The following STXBP5L variants were observed in gnomAD, a reference collection of about 807,000 sequenced individuals.
STXBP5L encodes the protein syntaxin binding protein 5L, also known as syntaxin-binding protein 5-like.
Under a neutral mutation model 144.5 loss-of-function variants are expected in STXBP5L, and 65 were observed. The observed-to-expected ratio is 0.45, with a 90% CI of 0.37 to 0.55. STXBP5L has a LOEUF of 0.55. Among genes scored for constraint, STXBP5L ranks in the 20% least tolerant of loss-of-function variants. The pLI is 0.00. For synonymous variants in STXBP5L, 505 were observed against 469.6 expected (o/e 1.08, Z -0.97); for missense variants, 1,298 against 1,405.5 (o/e 0.92, Z 1.22).
intron 5 of STXBP5L, among the ~76,000 whole-genome samples, chr3:121,089,249 T>C (rs1471569455): frequency 6.6e-6 from 1 of 151,786 alleles, no homozygotes; most frequent in African/African-American, 2.4e-5. Context: ...GATATTTTTC[T>C]GTTTAGAAAA....
intron 3 of STXBP5L, among the ~76,000 whole-genome samples, chr3:120,965,815 G>A (rs554455285): frequency 6.6e-6 from 1 of 152,254 alleles, no homozygotes; most frequent in Admixed American, 6.5e-5. Context: ...GAAATTGAGT[G>A]TTGGCTTGTC....
chr3:121,340,011 T>C (rs543573382), intron 20 of STXBP5L, among the ~76,000 whole-genome samples: 3 of 152,164 alleles, frequency 2.0e-5, no homozygotes, highest in African/African-American at 7.2e-5. Flanking sequence ...CTGAAATTCC[T>C]ATCAAAATAC....
intron 5 of STXBP5L, among the ~76,000 whole-genome samples, chr3:121,107,822 T>C (rs2043787596): frequency 1.3e-5 from 2 of 152,204 alleles, no homozygotes; most frequent in South Asian, 4.1e-4. Flanking sequence ...ATTTTCACAA[T>C]ATTGATGCTT....
At chr3:121,064,464 A>G (rs2041445832) in intron 5 of STXBP5L, among the ~76,000 whole-genome samples, 1 of 152,224 alleles carries the variant, frequency 6.6e-6, no homozygotes, top group Non-Finnish European at 1.5e-5. Context: ...AAATGGCTTG[A>G]AAAATTCCAC....
At chr3:121,328,730 C>T (rs994088264) in intron 20 of STXBP5L, among the ~76,000 whole-genome samples, 2 of 151,694 alleles carry the variant, frequency 1.3e-5, no homozygotes, top group East Asian at 3.9e-4. Context: ...AGCATGGGTG[C>T]TAGAGCAAGA....
intron 22 of STXBP5L, among the ~76,000 whole-genome samples, chr3:121,384,129 C>T (rs1202745854): frequency 1.3e-5 from 2 of 152,064 alleles, no homozygotes; most frequent in South Asian, 2.1e-4. Flanking sequence ...TTACCAAGCC[C>T]ATACCACCGA....
intron 18 of STXBP5L, among the ~76,000 whole-genome samples, chr3:121,267,227 A>G (rs2050594825): frequency 1.3e-5 from 2 of 152,202 alleles, no homozygotes; most frequent in African/African-American, 4.8e-5. Flanking sequence ...AGACCAATGG[A>G]ACAGAACCAA....
chr3:121,298,145 A>G (rs965722932), intron 19 of STXBP5L, among the ~76,000 whole-genome samples: 3 of 151,972 alleles, frequency 2.0e-5, no homozygotes, highest in Admixed American at 1.3e-4. Flanking sequence ...AACACTTGTT[A>G]TTTTCTGTTT....
At chr3:121,258,036 G>A (rs1577319953) in intron 17 of STXBP5L, among the ~76,000 whole-genome samples, 1 of 152,038 alleles carries the variant, frequency 6.6e-6, no homozygotes, top group South Asian at 2.1e-4. Context: ...TTCTATATTA[G>A]AAAAAAGGAT....
At chr3:121,246,932 AAG>A (rs2049873165) in intron 14 of STXBP5L, among the ~76,000 whole-genome samples, 1 of 152,206 alleles carries the variant, frequency 6.6e-6, no homozygotes, top group Admixed American at 6.5e-5. Flanking sequence ...AGGGATGAGA[AAG>A]AGGGTTGCAA....
At chr3:121,321,480 A>T (rs891164346) in intron 20 of STXBP5L, among the ~76,000 whole-genome samples, 21 of 152,324 alleles carry the variant, frequency 1.4e-4, no homozygotes, top group African/African-American at 5.1e-4. Flanking sequence ...AATACAATAC[A>T]TATACAATAG....
In STXBP5L at chr3:121,121,640, G is replaced by A. The variant is rs753030512; in HGVS notation, c.606-1G>A. On this transcript the variant is annotated splice_acceptor_variant, in intron 6 of 26. Coordinates refer to ENST00000471454, the MANE Select transcript of STXBP5L (RefSeq NM_001308330.2). LOFTEE classifies it high-confidence loss of function. ...ATTACTGTTTTGAATTGATTTAACA[G>A]ATCCACTAAGACTCATCCAGGTCCA... 6.3e-7 allele frequency: 1 copy of A among 1,592,328 alleles called. No homozygotes were observed. The highest frequency in any genetic ancestry group is 8.6e-7 in the Non-Finnish European group (1 of 1,164,828).
intron 25 of STXBP5L, 116 bp from the exon 26 acceptor site, chr3:121,418,221 T>C (rs2047283455): frequency 8.3e-7 from 1 of 1,206,208 alleles, no homozygotes; most frequent in Non-Finnish European, 1.1e-6. Context: ...AATAAGACTC[T>C]CTTTTAATGA....
chr3:121,346,132 G>T (rs1389615367), intron 20 of STXBP5L, among the ~76,000 whole-genome samples: 1 of 131,006 alleles, frequency 7.6e-6, no homozygotes, highest in African/African-American at 2.9e-5. Context: ...AGGCCCCAGG[G>T]TGTGATGTTT....
At chr3:121,131,766 A>C (rs903709582) in intron 7 of STXBP5L, among the ~76,000 whole-genome samples, 2 of 152,250 alleles carry the variant, frequency 1.3e-5, no homozygotes, top group Non-Finnish European at 2.9e-5. Context: ...GAGTGATATC[A>C]GCAAAGTGGC....
intron 10 of STXBP5L, among the ~76,000 whole-genome samples, chr3:121,207,064 T>C (rs2048363966): frequency 2.6e-5 from 4 of 152,182 alleles, no homozygotes; most frequent in African/African-American, 7.2e-5. Flanking sequence ...TAGTACAAAA[T>C]TATGCTCATT....
In STXBP5L at chr3:121,028,074, G is replaced by A. The variant is rs191921724; in HGVS notation, c.288-13626G>A. On this transcript the variant is annotated intron_variant, in intron 3 of 26. Coordinates refer to ENST00000471454, the MANE Select transcript of STXBP5L (RefSeq NM_001308330.2). ...TTAAATTTCTTCAGAAATCACATACGCAATATACATTTGTTAAATAAATTA... is the reference window on the plus strand; with the variant it reads ...TTAAATTTCTTCAGAAATCACATACACAATATACATTTGTTAAATAAATTA... Among the ~76,000 whole-genome samples the A allele has an allele frequency of 3.9e-3, 599 of 152,016 alleles. 2 individuals are homozygous for A. Among genetic ancestry groups the A allele is most frequent in the Non-Finnish European group, 3.7e-3 (248 of 67,922 alleles).
intron 20 of STXBP5L, among the ~76,000 whole-genome samples, chr3:121,342,254 T>G (rs968403085): frequency 3.9e-5 from 6 of 152,268 alleles, no homozygotes; most frequent in African/African-American, 1.4e-4. Flanking sequence ...AGTTTTAATT[T>G]AAAAACCTAA....
chr3:121,345,179 G>T (rs1271298039), intron 20 of STXBP5L, among the ~76,000 whole-genome samples: 2 of 151,854 alleles, frequency 1.3e-5, no homozygotes, highest in Non-Finnish European at 2.9e-5. Flanking sequence ...TCCCTGACAG[G>T]ACCCCGTGTG....
Sources: allele counts gnomAD v4.1 joint callset (sites outside exome capture counted in the v4.1 genomes callset), GRCh38; gene constraint gnomAD v4.1.1; transcripts MANE v1.5; gene names NCBI Gene and HGNC (gene_info 2026-07-23, HGNC 2026-07-21).